The following UNC5D variants were observed in gnomAD, a reference collection of about 807,000 sequenced individuals.
UNC5D encodes netrin receptor UNC5D.
UNC5D carries 39 observed loss-of-function variants against 105.4 expected under a neutral mutation model. The observed-to-expected ratio is 0.37, with a 90% confidence interval of 0.29 to 0.48. UNC5D has a LOEUF of 0.48. UNC5D is among the 20% of genes least tolerant of loss of function. UNC5D has a pLI of 0.98. For synonymous variants in UNC5D, 452 were observed against 450.4 expected (o/e 1.00, Z -0.04); for missense variants, 991 against 1,202.4 (o/e 0.82, Z 2.60).
chr8:35,595,956 A>C (rs1419710793), intron 4 of UNC5D, among the ~76,000 whole-genome samples: 1 of 152,190 alleles, frequency 6.6e-6, no homozygotes, highest in Non-Finnish European at 1.5e-5. Flanking sequence ...TTCTGTCCTC[A>C]GTCAAGATCT....
intron 3 of UNC5D, among the ~76,000 whole-genome samples, chr8:35,587,711 T>C (rs908275767): frequency 2.6e-5 from 4 of 152,002 alleles, no homozygotes; most frequent in African/African-American, 9.7e-5. Context: ...TACAATAAAA[T>C]GAAACAAGAT....
intron 1 of UNC5D, among the ~76,000 whole-genome samples, chr8:35,489,987 A>T (rs1007889080): frequency 6.6e-6 from 1 of 152,248 alleles, no homozygotes; most frequent in African/African-American, 2.4e-5. Context: ...ATCATCCACT[A>T]AAAAGAGAGA....
At chr8:35,264,661 C>T (rs947650820) in intron 1 of UNC5D, among the ~76,000 whole-genome samples, 2 of 148,080 alleles carry the variant, frequency 1.4e-5, no homozygotes, top group African/African-American at 5.0e-5. Context: ...ACCCCGGAGG[C>T]GGAGGTTGCA....
chr8:35,240,855 C>T (rs1030622092), intron 1 of UNC5D, among the ~76,000 whole-genome samples: 6 of 152,036 alleles, frequency 3.9e-5, no homozygotes, highest in Middle Eastern at 6.8e-3. Flanking sequence ...TGAAAATAAC[C>T]GCCCTCTCCC....
intron 1 of UNC5D, among the ~76,000 whole-genome samples, chr8:35,479,957 G>A (rs1440486706): frequency 1.3e-5 from 2 of 152,254 alleles, no homozygotes; most frequent in South Asian, 2.1e-4. Flanking sequence ...GCTTTAAAAT[G>A]TGGTGATCTA....
At chr8:35,247,650 A>T (rs1383378697) in intron 1 of UNC5D, among the ~76,000 whole-genome samples, 12 of 48,292 alleles carry the variant, frequency 2.5e-4, no homozygotes, top group Admixed American at 4.5e-4. Flanking sequence ...AATATATATT[A>T]TATATAAAAT....
intron 1 of UNC5D, among the ~76,000 whole-genome samples, chr8:35,533,889 C>T (rs1814622540): frequency 2.6e-5 from 4 of 152,192 alleles, no homozygotes; most frequent in Admixed American, 2.0e-4. Flanking sequence ...GAGGCAATGC[C>T]TCGCCATGCT....
At chr8:35,543,429 T>G (rs941725424) in intron 1 of UNC5D, among the ~76,000 whole-genome samples, 1 of 152,192 alleles carries the variant, frequency 6.6e-6, no homozygotes, top group Admixed American at 6.5e-5. Flanking sequence ...TGTGCCCAAT[T>G]GCATTACAAA....
At chr8:35,401,919 G>T (rs950776529) in intron 1 of UNC5D, among the ~76,000 whole-genome samples, 15 of 152,202 alleles carry the variant, frequency 9.9e-5, no homozygotes, top group Admixed American at 8.5e-4. Flanking sequence ...CCTGGACTGT[G>T]TTCTTAGTGA....
Position 35,795,901 on chromosome 8 carries a change from A to G in UNC5D, c.*5338A>G, listed in dbSNP as rs916820606. 2 of 152,204 alleles carry G rather than the reference A, an allele frequency of 1.3e-5. No individual in the cohort carries two copies. Among genetic ancestry groups the G allele is most frequent in the African/African-American group, 4.8e-5 (2 of 41,448 alleles). 9.4% of individuals were successfully genotyped at this position (152,204 alleles called of 1,614,324 possible). Reference sequence around the variant, plus strand: ...AAGTCTCAACCTAGAAACATTTCCAACCTAAGCATTTAAAGGAAAACTGGC... The same window carrying G: ...AAGTCTCAACCTAGAAACATTTCCAGCCTAAGCATTTAAAGGAAAACTGGC... On this transcript the variant is annotated 3_prime_UTR_variant, in exon 17 of 17. Transcript: ENST00000404895.
At chr8:35,268,061 T>A (rs1805013091) in intron 1 of UNC5D, among the ~76,000 whole-genome samples, 1 of 152,210 alleles carries the variant, frequency 6.6e-6, no homozygotes, top group Non-Finnish European at 1.5e-5. Flanking sequence ...TGCATTAATT[T>A]ATGATTTTTT....
rs759618055 is a variant in UNC5D, at chr8:35,683,647, C to T, written c.671C>T (p.Ser224Leu). The change falls in exon 5 of 17, where the codon TCG (serine) becomes TTG (leucine). Residue 224 changes from serine to leucine, a missense_variant. Physicochemically the swap from Ser to Leu is moderately radical, Grantham distance 145. Transcript: ENST00000404895. Reference sequence around the variant, plus strand: ...CTGATCATCAGGCAGGCACGGCTCTCGGACTCAGGAAATTACACCTGCATG... The same window carrying T: ...CTGATCATCAGGCAGGCACGGCTCTTGGACTCAGGAAATTACACCTGCATG... ...HNLIIRQARL[S>L]DSGNYTCMAA... is the part of the protein sequence containing the mutation. The T allele has an allele frequency of 9.5e-6, 15 of 1,578,204 alleles. No homozygotes were observed. The highest frequency in any genetic ancestry group is 2.4e-5 in the South Asian group (2 of 84,674).
chr8:35,391,199 A>G (rs1038601432), intron 1 of UNC5D, among the ~76,000 whole-genome samples: 1 of 152,246 alleles, frequency 6.6e-6, no homozygotes, highest in Non-Finnish European at 1.5e-5. Context: ...CCTTAATGTT[A>G]TGAAATACAA....
chr8:35,746,774 T>C (rs1830028693), intron 11 of UNC5D, among the ~76,000 whole-genome samples: 1 of 152,198 alleles, frequency 6.6e-6, no homozygotes, highest in Admixed American at 6.5e-5. Context: ...ATAGTTCTTT[T>C]AGGAGAGCTT....
chr8:35,517,326 C>G (rs909674281), intron 1 of UNC5D, among the ~76,000 whole-genome samples: 1 of 152,136 alleles, frequency 6.6e-6, no homozygotes, highest in African/African-American at 2.4e-5. Context: ...GGGTAGGAAC[C>G]AATTATCCTT....
intron 1 of UNC5D, among the ~76,000 whole-genome samples, chr8:35,311,482 A>G (rs1808881116): frequency 6.6e-6 from 1 of 152,084 alleles, no homozygotes; most frequent in African/African-American, 2.4e-5. Context: ...TAAAATAGGG[A>G]CAATAATAAC....
chr8:35,390,270 C>T (rs1339472846), intron 1 of UNC5D, among the ~76,000 whole-genome samples: 5 of 152,190 alleles, frequency 3.3e-5, no homozygotes, highest in Non-Finnish European at 7.3e-5. Context: ...GCCCCACCTC[C>T]AGCATTGGGG....
At chr8:35,547,139 A>G (rs1053697948) in intron 1 of UNC5D, among the ~76,000 whole-genome samples, 1 of 152,164 alleles carries the variant, frequency 6.6e-6, no homozygotes, top group Non-Finnish European at 1.5e-5. Context: ...CAAACTATGC[A>G]TGTGTGTTTC....
At chr8:35,438,323 T>C (rs570881959) in intron 1 of UNC5D, among the ~76,000 whole-genome samples, 1 of 152,182 alleles carries the variant, frequency 6.6e-6, no homozygotes, top group African/African-American at 2.4e-5. Flanking sequence ...CATTTTTAAA[T>C]GAATGTGAAA....
Sources: gnomAD v4.1 joint callset for allele counts (sites outside exome capture counted in the v4.1 genomes callset) on GRCh38, gnomAD v4.1.1 for gene constraint, MANE v1.5 for transcripts, NCBI Gene and HGNC (gene_info 2026-07-23, HGNC 2026-07-21) for gene names.